Variants in DPH1 observed in about 807,000 individuals in gnomAD.
The protein encoded by DPH1 is diphthamide biosynthesis 1, also known as 2-(3-amino-3-carboxypropyl)histidine synthase subunit 1.
In DPH1, 59 loss-of-function variants were observed where a neutral mutation model predicts 55.3. The observed-to-expected ratio is 1.07, with a 90% CI of 0.87 to 1.33. The LOEUF is 1.33. Among genes scored for constraint, DPH1 ranks in the 40% most tolerant of loss-of-function variants. The pLI, the probability that DPH1 is intolerant of heterozygous loss-of-function variation, is 0.00. For synonymous variants in DPH1, 238 were observed against 235.5 expected (o/e 1.01, Z -0.10); for missense variants, 628 against 584.8 (o/e 1.07, Z -0.76).
chr17:2,041,142 G>A lies in DPH1; in HGVS notation c.1047G>A (p.Trp349Ter). 2 of 1,606,132 alleles carry A rather than the reference G, an allele frequency of 1.2e-6. No homozygotes were observed. Among genetic ancestry groups the A allele is most frequent in the Non-Finnish European group, 1.7e-6 (2 of 1,176,504 alleles). Reference protein sequence around the residue: ...QVACPRLSIDWGTAFPKPLLT... With the variant: ...QVACPRLSID ...CATGTCCACGTCTCTCCATTGACTG[G>A]GGCACAGCCTTCCCCAAGCCGCTGC... Residue 349 changes from tryptophan (W) to a stop codon, truncating the protein, a stop_gained, in exon 10 of 13, where the codon TGG becomes TGA. Coordinates refer to ENST00000263083, the MANE Select transcript of DPH1 (RefSeq NM_001383.6). LOFTEE classifies it high-confidence loss of function.
In DPH1 at chr17:2,036,178, T is replaced by C; in HGVS notation, c.400+87T>C. ...CATCTTCCCCATGGCAGTGCCTTCTTGTCCTGCTTGGAGACACAAGGTCCC... is the reference window on the plus strand; with the variant it reads ...CATCTTCCCCATGGCAGTGCCTTCTCGTCCTGCTTGGAGACACAAGGTCCC... On this transcript the variant is annotated intron_variant, in intron 4 of 12. Coordinates refer to ENST00000263083, the MANE Select transcript of DPH1 (RefSeq NM_001383.6). The surrounding 1 kb of genome is among the most constrained non-coding windows in gnomAD (Gnocchi z 4.8). 6.4e-7 allele frequency: 1 copy of C among 1,551,106 alleles called. No homozygotes were observed. Among genetic ancestry groups the C allele is most frequent in the Admixed American group, 1.9e-5 (1 of 53,520 alleles).
At position 2,036,181 on chromosome 17, in the gene DPH1, C is replaced by T; in HGVS notation, c.400+90C>T. Reference sequence around the variant, plus strand: ...CTTCCCCATGGCAGTGCCTTCTTGTCCTGCTTGGAGACACAAGGTCCCTCC... The same window carrying T: ...CTTCCCCATGGCAGTGCCTTCTTGTTCTGCTTGGAGACACAAGGTCCCTCC... On this transcript the variant is annotated intron_variant, in intron 4 of 12. Coordinates refer to ENST00000263083, the MANE Select transcript of DPH1 (RefSeq NM_001383.6). The surrounding 1 kb of genome is among the most constrained non-coding windows in gnomAD (Gnocchi z 4.8). 2 of 1,546,582 alleles carry T rather than the reference C, an allele frequency of 1.3e-6. No homozygotes were observed. Among genetic ancestry groups the T allele is most frequent in the East Asian group, 4.7e-5 (2 of 42,980 alleles).
At chr17:2,037,121 T>TACTGTCGCTTTCTCCACTGCCC in intron 6 of DPH1, 165 bp downstream of exon 6, 1 of 1,037,150 alleles carries the variant, frequency 9.6e-7, no homozygotes, top group Non-Finnish European at 1.3e-6. Context: ...ACCTCAGGTT[T>TACTGTCGCTTTCTCCACTGCCC]ACTGTCGCTT....
At chr17:2,042,261 T>G in intron 12 of DPH1, 1 of 1,403,570 alleles carries the variant, frequency 7.1e-7, no homozygotes, top group Non-Finnish European at 9.2e-7. Flanking sequence ...GGAAACGCAC[T>G]CAGTTTCCTC....
intron 11 of DPH1, 68 bp from the exon 12 acceptor site, chr17:2,041,700 A>T (rs1036321671): frequency 6.3e-7 from 1 of 1,579,338 alleles, no homozygotes; most frequent in Non-Finnish European, 8.6e-7. Context: ...CGGGAAACGC[A>T]CAGGAGCGGA....
At chr17:2,040,087 CT>C (rs1567547248) in intron 7 of DPH1, 130 bp from the exon 8 acceptor site, 2 of 1,336,602 alleles carry the variant, frequency 1.5e-6, no homozygotes, top group Admixed American at 4.0e-5. Context: ...AGTCCCCGCT[CT>C]TGCCTCTGTT....
chr17:2,036,097 G>C lies in DPH1; in HGVS notation c.400+6G>C, dbSNP rs1458886728. The stretch of plus-strand genomic sequence containing the variant: ...CTACGGCCACAGTTGCCTGAGTATG[G>C]TGGGGCCAGGACACCTGGACGGTGG... On this transcript the variant is annotated splice_donor_region_variant and intron_variant, in intron 4 of 12. Coordinates refer to ENST00000263083, the MANE Select transcript of DPH1 (RefSeq NM_001383.6). This position sits in a 1 kb window ranked among gnomAD's most constrained non-coding sequence, Gnocchi z 4.8. 1.2e-6 allele frequency: 2 copies of C among 1,613,794 alleles called. No individual in the cohort carries two copies. Among genetic ancestry groups the C allele is most frequent in the South Asian group, 2.2e-5 (2 of 91,080 alleles).
At chr17:2,031,221 A>T (rs1167938434) in intron 1 of DPH1, among the ~76,000 whole-genome samples, 1 of 152,100 alleles carries the variant, frequency 6.6e-6, no homozygotes, top group East Asian at 1.9e-4. Flanking sequence ...ATTCCACACC[A>T]GTCTGGGAAA....
intron 1 of DPH1, 64 bp downstream of exon 1, chr17:2,030,294 A>C: frequency 6.6e-7 from 1 of 1,509,360 alleles, no homozygotes; most frequent in Non-Finnish European, 8.9e-7. Flanking sequence ...CAAGTTAGGG[A>C]CAGGACCAAC....
chr17:2,031,601 C>T (rs2067333528), intron 1 of DPH1, among the ~76,000 whole-genome samples: 1 of 145,972 alleles, frequency 6.9e-6, no homozygotes, highest in African/African-American at 2.5e-5. Context: ...AGCCCTGCGT[C>T]TTGGCACATG....
chr17:2,041,920 A>G, intron 12 of DPH1, 45 bp downstream of exon 12: 1 of 1,539,230 alleles, frequency 6.5e-7, no homozygotes, highest in South Asian at 1.2e-5. Flanking sequence ...TGCCGTTGTC[A>G]TGGGAACGCC....
Position 2,042,610 on chromosome 17 carries a change from T to C in DPH1, c.*24T>C, listed in dbSNP as rs748610578. 6.6e-7 allele frequency: 1 copy of C among 1,519,530 alleles called. No individual in the cohort carries two copies. The highest frequency in any genetic ancestry group is 2.3e-5 in the Admixed American group (1 of 44,084). The allele number at this position is 1,519,530 out of a possible 1,614,324, so 94.1% of individuals were successfully genotyped here. On this transcript the variant is annotated 3_prime_UTR_variant, in exon 13 of 13. Transcript: ENST00000263083. ...TTTTCCTCATATCGCTGTAGGGTCC[T>C]GCCCTCCGGAGGAGCAGCCTCGAGG...
In DPH1 at chr17:2,042,878, C is replaced by G. The variant is rs752988476; in HGVS notation, c.*292C>G. 1.7e-5 allele frequency: 28 copies of G among 1,614,046 alleles called. No homozygotes were observed. In the East Asian group the frequency reaches 5.3e-4, roughly 31 times the overall value. On this transcript the variant is annotated 3_prime_UTR_variant, in exon 13 of 13. Coordinates refer to ENST00000263083, the MANE Select transcript of DPH1 (RefSeq NM_001383.6). Reference sequence around the variant, plus strand: ...ATCCTCTTGGTGTCTGGTTTCTGTCCCCGGGGCATTGGGTTCAAGGAATCC... The same window carrying G: ...ATCCTCTTGGTGTCTGGTTTCTGTCGCCGGGGCATTGGGTTCAAGGAATCC...
Position 2,041,475 on chromosome 17 carries a change from C to T in DPH1, c.1087-6C>T, listed in dbSNP as rs755727523. On this transcript the variant is annotated splice_polypyrimidine_tract_variant and splice_region_variant and intron_variant, in intron 10 of 12. Transcript: ENST00000263083. ...GATGTTATTGTCCCTCCCTCCCCTCCCCTAGGCGGCCGTGGCTCTGAGGGA... is the reference window on the plus strand; with the variant it reads ...GATGTTATTGTCCCTCCCTCCCCTCTCCTAGGCGGCCGTGGCTCTGAGGGA... The T allele has an allele frequency of 1.2e-6, 2 of 1,600,420 alleles. No individual in the cohort carries two copies. The highest frequency in any genetic ancestry group is 2.7e-5 in the African/African-American group (2 of 74,248).
chr17:2,042,292 G>T, intron 12 of DPH1: 1 of 1,395,284 alleles, frequency 7.2e-7, no homozygotes, highest in Non-Finnish European at 9.3e-7. Flanking sequence ...CGTCCCCCTC[G>T]ACACCCTTCA....
rs777334579 is a variant in DPH1, at chr17:2,036,475, G to C, written c.401-54G>C. 1 of 1,601,476 alleles carries C rather than the reference G, an allele frequency of 6.2e-7. No homozygotes were observed. The highest frequency in any genetic ancestry group is 1.7e-5 in the Admixed American group (1 of 59,594). On this transcript the variant is annotated intron_variant, in intron 4 of 12. Transcript: ENST00000263083. This position sits in a 1 kb window ranked among gnomAD's most constrained non-coding sequence, Gnocchi z 4.8. Reference sequence around the variant, plus strand: ...TGCTCAGAGACCTGAGCCTGGCCGGGCCCTCTGCTGCTCCTGCCTTCCCAA... The same window carrying C: ...TGCTCAGAGACCTGAGCCTGGCCGGCCCCTCTGCTGCTCCTGCCTTCCCAA...
At chr17:2,041,697 C>G (rs2067527993) in intron 11 of DPH1, 71 bp from the exon 12 acceptor site, 1 of 1,577,140 alleles carries the variant, frequency 6.3e-7, no homozygotes, top group African/African-American at 1.4e-5. Context: ...CGACGGGAAA[C>G]GCACAGGAGC....
chr17:2,039,776 C>G lies in DPH1; in HGVS notation c.702C>G (p.Phe234Leu), dbSNP rs761990254. ...EAVVYLGDGR[F>L]HLESVMIANP... ...GCAGGTATCTTGGAGATGGCCGCTT[C>G]CATCTGGAGTCTGTCATGATTGCCA... Residue 234 changes from phenylalanine to leucine, a missense_variant, in exon 7 of 13, where the codon TTC becomes TTG. By Grantham distance (22) the Phe-to-Leu change is conservative. Transcript: ENST00000263083. 6.2e-7 allele frequency: 1 copy of G among 1,614,158 alleles called. No homozygotes were observed. The highest frequency in any genetic ancestry group is 2.2e-5 in the East Asian group (1 of 44,886).
rs755780551 is a variant in DPH1 at position 2,041,531 on chromosome 17, C to T, written c.1137C>T (p.Asp379=). Residue 379 remains aspartate, a synonymous_variant, in exon 11 of 13, where the codon GAC becomes GAT. Coordinates refer to ENST00000263083, the MANE Select transcript of DPH1 (RefSeq NM_001383.6). ...DISWQQPYPM[D]FYAGSSLGPW... is the part of the protein sequence containing the mutation. ...CCTGGCAGCAGCCCTACCCGATGGA[C>T]TTCTACGCTGGCAGCTCCTTGGGGC... The T allele has an allele frequency of 1.2e-6, 2 of 1,613,004 alleles. No individual in the cohort carries two copies. The highest frequency in any genetic ancestry group is 2.2e-5 in the East Asian group (1 of 44,838).
Sources: gnomAD v4.1 joint callset for allele counts (sites outside exome capture counted in the v4.1 genomes callset) on GRCh38, gnomAD v4.1.1 for gene constraint, Gnocchi (gnomAD v3.1) non-coding constraint, MANE v1.5 for transcripts, NCBI Gene and HGNC (gene_info 2026-07-23, HGNC 2026-07-21) for gene names.